The following ITSN2 variants were observed in gnomAD, a reference collection of about 807,000 sequenced individuals.
ITSN2 encodes the protein intersectin 2.
A neutral mutation model predicts 243.7 loss-of-function variants in ITSN2; 156 were observed. The ratio of observed to expected loss-of-function variants is 0.64; its 90% CI spans 0.56 to 0.73. The LOEUF is 0.73. Ranked by LOEUF, ITSN2 falls within the 30% of genes least tolerant of loss-of-function variation. The pLI is 0.00. For synonymous variants in ITSN2, 703 were observed against 699.9 expected, an observed-to-expected ratio of 1.00 and a Z score of -0.07; for missense variants, 1,801 against 1,996.1, an observed-to-expected ratio of 0.90 and a Z score of 1.86.
rs76981878 is a variant in ITSN2 at position 24,242,470 on chromosome 2, G to T, written c.3577+3659C>A. 7.0e-4 allele frequency among the ~76,000 whole-genome samples: 107 copies of T among 151,784 alleles called. 1 individual carries two copies. Among genetic ancestry groups the T allele is most frequent in the African/African-American group, 2.5e-3 (102 of 41,416 alleles). On this transcript the variant is annotated intron_variant, in intron 29 of 39. Coordinates refer to ENST00000355123, the MANE Select transcript of ITSN2 (RefSeq NM_006277.3). ...CAGGTGATTCATCTATAAAAAGCTG[G>T]GTAGGTACAACAAGGATCTCGTATC...
chr2:24,341,424 G>A (rs1437342651), intron 1 of ITSN2, among the ~76,000 whole-genome samples: 2 of 152,184 alleles, frequency 1.3e-5, no homozygotes, highest in Non-Finnish European at 2.9e-5. Flanking sequence ...TCAGAAACAC[G>A]AGAAATCGGG....
In ITSN2 at chr2:24,249,471, A is replaced by G. The variant is rs1181230417; in HGVS notation, c.3121-589T>C. 6.6e-6 allele frequency among the ~76,000 whole-genome samples: 1 copy of G among 152,164 alleles called. No individual in the cohort carries two copies. Among genetic ancestry groups the G allele is most frequent in the African/African-American group, 2.4e-5 (1 of 41,434 alleles). On this transcript the variant is annotated intron_variant, in intron 25 of 39. Transcript: ENST00000355123. The surrounding 1 kb of genome is among the most constrained non-coding windows in gnomAD (Gnocchi z 4.4). ...ACTGGCCCAACCACATTTCCTCTTT[A>G]TAGGAATTTGAACAACAAAAGGGAT...
chr2:24,266,831 A>AGAGGTTGAGGTGGGAGGATGGCGT (rs1676711823), intron 20 of ITSN2, among the ~76,000 whole-genome samples: 1 of 151,666 alleles, frequency 6.6e-6, no homozygotes, highest in East Asian at 1.9e-4. Context: ...CCACTACTCA[A>AGAGGTTGAGGTGGGAGGATGGCGT]GAGGTTGAGG....
At chr2:24,272,737 C>T (rs1677525206) in intron 18 of ITSN2, among the ~76,000 whole-genome samples, 2 of 152,130 alleles carry the variant, frequency 1.3e-5, no homozygotes, top group African/African-American at 4.8e-5. Flanking sequence ...GCCCAGTCTA[C>T]TTTTTATATT....
chr2:24,275,579 C>A (rs1677908712), intron 18 of ITSN2, 134 bp downstream of exon 18: 5 of 580,122 alleles, frequency 8.6e-6, no homozygotes, highest in Non-Finnish European at 1.4e-5. Flanking sequence ...CCTAAAAGGA[C>A]TGAACTTATG....
chr2:24,236,148 G>A (rs1672125952), intron 29 of ITSN2, among the ~76,000 whole-genome samples: 1 of 152,062 alleles, frequency 6.6e-6, no homozygotes, highest in Non-Finnish European at 1.5e-5. Context: ...CCACACAATG[G>A]GATGTTAATT....
intron 20 of ITSN2, among the ~76,000 whole-genome samples, chr2:24,262,736 C>T (rs1384552740): frequency 1.3e-5 from 2 of 152,192 alleles, no homozygotes; most frequent in African/African-American, 4.8e-5. Context: ...AGCAACATGC[C>T]TATACTTTCA....
At chr2:24,215,838 G>A (rs72853581) in intron 32 of ITSN2, among the ~76,000 whole-genome samples, 1,651 of 152,222 alleles carry the variant, frequency 0.011, 28 homozygotes, top group African/African-American at 0.038. Flanking sequence ...CTATCAGATG[G>A]GGAAAAAATG....
chr2:24,305,399 C>T (rs1454895068), intron 8 of ITSN2, among the ~76,000 whole-genome samples: 1 of 151,854 alleles, frequency 6.6e-6, no homozygotes, highest in African/African-American at 2.4e-5. Flanking sequence ...GTTGGGAGTT[C>T]GAGACCAGCC....
rs550110827 is a variant in ITSN2 at position 24,324,372 on chromosome 2, T to C, written c.31+3680A>G. ...GAGAGTTCTGCTGCATCAAGATTGATGCACCAATGCTCATCACAGTATGAT... is the reference window on the plus strand; with the variant it reads ...GAGAGTTCTGCTGCATCAAGATTGACGCACCAATGCTCATCACAGTATGAT... On this transcript the variant is annotated intron_variant, in intron 2 of 39. Coordinates refer to ENST00000355123, the MANE Select transcript of ITSN2 (RefSeq NM_006277.3). Among the ~76,000 whole-genome samples the C allele has an allele frequency of 4.6e-5, 7 of 152,278 alleles. No individual in the cohort carries two copies. The South Asian group carries it at 1.2e-3, about 27-fold the overall frequency.
At chr2:24,305,374 G>A (rs1445605040) in intron 8 of ITSN2, among the ~76,000 whole-genome samples, 1 of 152,064 alleles carries the variant, frequency 6.6e-6, no homozygotes, top group Non-Finnish European at 1.5e-5. Context: ...GACCAAGGCG[G>A]GCGGATCACC....
At chr2:24,358,717 G>A (rs1401382421) in intron 1 of ITSN2, among the ~76,000 whole-genome samples, 3 of 152,152 alleles carry the variant, frequency 2.0e-5, no homozygotes, top group Non-Finnish European at 4.4e-5. Context: ...TGGGTGATGG[G>A]TACATGCTAT....
chr2:24,357,242 A>G (rs1437076120), intron 1 of ITSN2, among the ~76,000 whole-genome samples: 3 of 152,232 alleles, frequency 2.0e-5, no homozygotes, highest in Non-Finnish European at 2.9e-5. Flanking sequence ...CCCGTCAATG[A>G]TAGACTGGAT....
intron 15 of ITSN2, among the ~76,000 whole-genome samples, 186 bp from the exon 16 acceptor site, chr2:24,286,537 G>A (rs556810458): frequency 3.3e-5 from 5 of 152,320 alleles, no homozygotes; most frequent in African/African-American, 1.2e-4. Context: ...GCTGGAAAGA[G>A]CATCAGAGGA....
Position 24,222,023 on chromosome 2 carries a change from T to C in ITSN2, c.3578-957A>G, listed in dbSNP as rs553513709. 9.9e-5 allele frequency among the ~76,000 whole-genome samples: 15 copies of C among 152,102 alleles called. No individual in the cohort carries two copies. The East Asian group carries it at 2.1e-3, about 22-fold the overall frequency. ...ATCCCAGCACTTTGGGAGGCCAAGG[T>C]GGGTGTATCACGAGGTCAGGAGATC... On this transcript the variant is annotated intron_variant, in intron 29 of 39. Transcript: ENST00000355123.
chr2:24,267,846 C>T (rs1272697490), intron 20 of ITSN2, among the ~76,000 whole-genome samples: 1 of 152,226 alleles, frequency 6.6e-6, no homozygotes, highest in Admixed American at 6.5e-5. Flanking sequence ...TGTGCACCTG[C>T]ACCTGGCCAA....
At chr2:24,269,935 C>T (rs1011839950) in intron 20 of ITSN2, among the ~76,000 whole-genome samples, 1 of 152,134 alleles carries the variant, frequency 6.6e-6, no homozygotes, top group South Asian at 2.1e-4. Context: ...CTACTAATAG[C>T]GGCAATGGCA....
At chr2:24,258,207 G>C in intron 22 of ITSN2, 114 bp from the exon 23 acceptor site, 1 of 717,960 alleles carries the variant, frequency 1.4e-6, no homozygotes, top group Non-Finnish European at 2.3e-6. Context: ...GTGTCGTGGT[G>C]ACTTAAGATA....
At chr2:24,350,330 T>C (rs1042332879) in intron 1 of ITSN2, among the ~76,000 whole-genome samples, 3 of 152,178 alleles carry the variant, frequency 2.0e-5, no homozygotes, top group Admixed American at 6.5e-5. Flanking sequence ...TCACCAATAG[T>C]ATAAAATTAA....
Sources: gnomAD v4.1 joint callset for allele counts (sites outside exome capture counted in the v4.1 genomes callset) on GRCh38, gnomAD v4.1.1 for gene constraint, Gnocchi (gnomAD v3.1) non-coding constraint, MANE v1.5 for transcripts, NCBI Gene and HGNC (gene_info 2026-07-23, HGNC 2026-07-21) for gene names.